DMXL2: variants seen among roughly 807,000 people sequenced by gnomAD.
DMXL2 encodes dmX-like protein 2.
DMXL2 carries 103 observed loss-of-function variants against 331.1 expected under a neutral mutation model. That is an observed-to-expected ratio of 0.31 (90% CI 0.27 to 0.37). DMXL2 has a LOEUF of 0.37. Ranked by LOEUF, DMXL2 falls within the 10% of genes least tolerant of loss-of-function variation. The probability of loss-of-function intolerance (pLI) is 1.00; values close to 1 mark genes in which losing one functional copy is unlikely to be tolerated. For missense variants in DMXL2, 3,171 were observed against 3,642.9 expected (o/e 0.87, Z 3.33); for synonymous variants, 1,281 against 1,252.1 (o/e 1.02, Z -0.49).
Position 51,494,590 on chromosome 15 carries a change from G to A in DMXL2, c.4783+434C>T, listed in dbSNP as rs79949076. On this transcript the variant is annotated intron_variant, in intron 19 of 43. Transcript: ENST00000560891. ...ACACAAATCCACTGTTATCAATATG[G>A]CAGATCTTCCTGAATCATCAACTTT... Among the ~76,000 whole-genome samples the A allele has an allele frequency of 7.4e-3, 1,127 of 152,236 alleles. 16 individuals are homozygous for A. The highest frequency in any genetic ancestry group is 0.026 in the African/African-American group (1,076 of 41,540).
At chr15:51,476,452 GA>G (rs2041589851) in intron 27 of DMXL2, 136 bp downstream of exon 27, 5 of 1,039,836 alleles carry the variant, frequency 4.8e-6, no homozygotes, top group Non-Finnish European at 7.0e-6. Context: ...ATCCATAGCA[GA>G]AAAACATCAT....
intron 1 of DMXL2, among the ~76,000 whole-genome samples, chr15:51,605,517 C>CCTTTTT (rs2053522706): frequency 4.5e-5 from 1 of 22,190 alleles, no homozygotes; most frequent in Admixed American, 7.1e-4. Context: ...GATTAATATT[C>CCTTTTT]TTTTTTTTTT....
chr15:51,479,759 C>T (rs1346260135), intron 25 of DMXL2, among the ~76,000 whole-genome samples, 189 bp downstream of exon 25: 1 of 152,140 alleles, frequency 6.6e-6, no homozygotes, highest in Non-Finnish European at 1.5e-5. Context: ...TAAAGGAAGA[C>T]AATAACTTCT....
At chr15:51,591,501 G>T (rs982887616) in intron 1 of DMXL2, among the ~76,000 whole-genome samples, 1 of 152,184 alleles carries the variant, frequency 6.6e-6, no homozygotes, top group South Asian at 2.1e-4. Context: ...CTCCACCTGT[G>T]GGGGCAGGGC....
In DMXL2 at chr15:51,622,694, C is replaced by T; in HGVS notation, c.-149G>A. 2.1e-6 allele frequency: 3 copies of T among 1,397,718 alleles called. No individual in the cohort carries two copies. The East Asian group carries it at 8.3e-5, about 39-fold the overall frequency. The allele number at this position is 1,397,718 out of a possible 1,614,324, so 86.6% of individuals were successfully genotyped here. A position where few individuals can be genotyped will look rare whatever the true frequency, so the allele number is the denominator to read the frequency against. On this transcript the variant is annotated 5_prime_UTR_variant, in exon 1 of 44. Coordinates refer to ENST00000560891, the MANE Select transcript of DMXL2 (RefSeq NM_001378457.1). ...GGCTTAACTCCTCGCCCCCCTTTCG[C>T]CTTCCCTCCGCCTCGTCCCTGCCAT...
chr15:51,587,924 G>T (rs1320783416), intron 1 of DMXL2, among the ~76,000 whole-genome samples: 1 of 152,196 alleles, frequency 6.6e-6, no homozygotes, highest in Non-Finnish European at 1.5e-5. Context: ...GGCCAGTGAT[G>T]ATGAGCATTT....
chr15:51,566,725 G>A (rs1367151795), intron 3 of DMXL2, among the ~76,000 whole-genome samples: 1 of 151,908 alleles, frequency 6.6e-6, no homozygotes, highest in Non-Finnish European at 1.5e-5. Context: ...TTGTTTTAAG[G>A]CATTTCACTT....
chr15:51,510,200 T>C (rs1311683043), intron 15 of DMXL2, among the ~76,000 whole-genome samples: 1 of 152,224 alleles, frequency 6.6e-6, no homozygotes, highest in Non-Finnish European at 1.5e-5. Flanking sequence ...CTGAAAGTTC[T>C]GGCCAGGGCA....
At chr15:51,466,432 T>C (rs1034851122) in intron 29 of DMXL2, 121 bp from the exon 30 acceptor site, 3 of 360,446 alleles carry the variant, frequency 8.3e-6, no homozygotes, top group African/African-American at 6.6e-5. Flanking sequence ...ATAATTATTT[T>C]TGTTCTAACA....
At chr15:51,530,714 C>T (rs1468154619) in intron 13 of DMXL2, among the ~76,000 whole-genome samples, 1 of 152,140 alleles carries the variant, frequency 6.6e-6, no homozygotes, top group Non-Finnish European at 1.5e-5. Context: ...GAGATCACAC[C>T]ACTGCACTCC....
intron 33 of DMXL2, among the ~76,000 whole-genome samples, chr15:51,461,002 G>C (rs1167161916): frequency 6.6e-6 from 1 of 152,166 alleles, no homozygotes; most frequent in Non-Finnish European, 1.5e-5. Flanking sequence ...GGACTATGCA[G>C]ATACAGATTT....
At chr15:51,570,201 A>C (rs1256090356) in intron 2 of DMXL2, among the ~76,000 whole-genome samples, 2 of 152,124 alleles carry the variant, frequency 1.3e-5, no homozygotes, top group African/African-American at 4.8e-5. Flanking sequence ...TCAGAGACTA[A>C]AGATAAACTC....
At chr15:51,452,474 G>A (rs1595868944) in intron 41 of DMXL2, among the ~76,000 whole-genome samples, 3 of 152,062 alleles carry the variant, frequency 2.0e-5, no homozygotes, top group Admixed American at 2.0e-4. Context: ...AATACAAATG[G>A]CCAACAAACA....
chr15:51,463,248 G>A (rs567040971), intron 33 of DMXL2, 131 bp downstream of exon 33: 95 of 573,820 alleles, frequency 1.7e-4, no homozygotes, highest in South Asian at 2.5e-4. Context: ...AGTAGTTCAC[G>A]GTAGTTTAGT....
chr15:51,555,386 G>C (rs2049496279), intron 6 of DMXL2, among the ~76,000 whole-genome samples: 1 of 152,138 alleles, frequency 6.6e-6, no homozygotes, highest in South Asian at 2.1e-4. Flanking sequence ...GGGAAGTAGA[G>C]ATCAGGGAAG....
chr15:51,567,364 T>C (rs2050360912), intron 3 of DMXL2: 1 of 152,116 alleles, frequency 6.6e-6, no homozygotes, highest in Non-Finnish European at 1.5e-5. Context: ...TTCTAAGTAC[T>C]GGGGACTCAT....
chr15:51,454,661 T>TAATTTTTG (rs1193075572), intron 40 of DMXL2, among the ~76,000 whole-genome samples: 3 of 152,138 alleles, frequency 2.0e-5, no homozygotes, highest in Admixed American at 6.5e-5. Context: ...CATGCCTGGC[T>TAATTTTTG]AATTTTTGTA....
intron 6 of DMXL2, among the ~76,000 whole-genome samples, chr15:51,554,572 C>G (rs1266772280): frequency 1.3e-5 from 2 of 152,190 alleles, no homozygotes; most frequent in African/African-American, 2.4e-5. Flanking sequence ...CGTGTCTCTA[C>G]ATTTCTATCC....
chr15:51,525,073 A>G (rs2047592720), intron 13 of DMXL2, among the ~76,000 whole-genome samples: 1 of 151,876 alleles, frequency 6.6e-6, no homozygotes, highest in Non-Finnish European at 1.5e-5. Flanking sequence ...CAGCAGGATA[A>G]GACACCAGTC....
Sources: allele counts gnomAD v4.1 joint callset (sites outside exome capture counted in the v4.1 genomes callset), GRCh38; gene constraint gnomAD v4.1.1; transcripts MANE v1.5; gene names NCBI Gene and HGNC (gene_info 2026-07-23, HGNC 2026-07-21).